SDHAF3: variants seen among roughly 807,000 people sequenced by gnomAD.
SDHAF3 encodes succinate dehydrogenase complex assembly factor 3.
SDHAF3 carries 18 observed loss-of-function variants against 11.5 expected under a neutral mutation model. The ratio of observed to expected loss-of-function variants is 1.56; its 90% confidence interval spans 1.08 to 2.32. The LOEUF (loss-of-function observed/expected upper bound fraction) is 2.32. SDHAF3 is among the 30% of genes most tolerant of loss of function. The probability of loss-of-function intolerance (pLI) is 0.00; values close to 1 mark genes in which losing one functional copy is unlikely to be tolerated. For synonymous variants in SDHAF3, 72 were observed against 59.3 expected, an observed-to-expected ratio of 1.21 and a Z score of -0.99; for missense variants, 200 against 154.4, an observed-to-expected ratio of 1.30 and a Z score of -1.57.
At chr7:97,125,902 G>A (rs192595704) in intron 1 of SDHAF3, among the ~76,000 whole-genome samples, 27 of 152,314 alleles carry the variant, frequency 1.8e-4, no homozygotes, top group Middle Eastern at 3.4e-3. Context: ...ATCATTTGGA[G>A]GAGAAGAAGC....
At chr7:97,147,908 A>G (rs982833900) in intron 1 of SDHAF3, among the ~76,000 whole-genome samples, 1 of 151,912 alleles carries the variant, frequency 6.6e-6, no homozygotes, top group Non-Finnish European at 1.5e-5. Flanking sequence ...TTATTTATTT[A>G]TTTATTTTTA....
chr7:97,181,332 T>A lies in SDHAF3; in HGVS notation c.*117T>A. ...CACCTGTTATTAATGAAATACTCTT[T>A]TATTTTGGATATTATGATTGCAGTA... On this transcript the variant is annotated 3_prime_UTR_variant, in exon 2 of 2. Transcript: ENST00000432641. 4.1e-6 allele frequency: 3 copies of A among 729,776 alleles called. No homozygotes were observed. The highest frequency in any genetic ancestry group is 6.6e-6 in the Non-Finnish European group (3 of 454,058). The allele number at this position is 729,776 out of a possible 1,614,324, so 45.2% of individuals were successfully genotyped here. A position where few individuals can be genotyped will look rare whatever the true frequency, so the allele number is the denominator to read the frequency against.
chr7:97,142,018 G>A (rs1789053844), intron 1 of SDHAF3, among the ~76,000 whole-genome samples: 1 of 144,472 alleles, frequency 6.9e-6, no homozygotes, highest in Admixed American at 7.1e-5. Context: ...AAAAAGTTGA[G>A]CAATGAAATG....
intron 1 of SDHAF3, among the ~76,000 whole-genome samples, chr7:97,159,676 G>C (rs1451736515): frequency 6.6e-6 from 1 of 152,082 alleles, no homozygotes; most frequent in Non-Finnish European, 1.5e-5. Flanking sequence ...TCTACCAGGA[G>C]TGTGGGCTGA....
chr7:97,125,597 G>C (rs1791562408), intron 1 of SDHAF3, among the ~76,000 whole-genome samples: 1 of 152,062 alleles, frequency 6.6e-6, no homozygotes, highest in Admixed American at 6.6e-5. Flanking sequence ...TTCAATCTCT[G>C]ATATCCTTTC....
chr7:97,129,596 T>C (rs919213137), intron 1 of SDHAF3, among the ~76,000 whole-genome samples: 1 of 152,152 alleles, frequency 6.6e-6, no homozygotes, highest in Admixed American at 6.5e-5. Flanking sequence ...AATCCTTTCA[T>C]GTTAAAGATG....
chr7:97,165,609 T>C (rs1211934404), intron 1 of SDHAF3, among the ~76,000 whole-genome samples: 1 of 152,174 alleles, frequency 6.6e-6, no homozygotes. Context: ...TCACTGAGTA[T>C]CCTCATTTTC....
At chr7:97,142,746 GGCCTAGAAGA>G (rs1789071573) in intron 1 of SDHAF3, 1 of 152,048 alleles carries the variant, frequency 6.6e-6, no homozygotes. Context: ...AAGTGGAAAA[GGCCTAGAAGA>G]GCCATAACTG....
intron 1 of SDHAF3, among the ~76,000 whole-genome samples, chr7:97,173,544 GA>G (rs1314434534): frequency 9.2e-6 from 1 of 108,194 alleles, no homozygotes; most frequent in Non-Finnish European, 1.8e-5. Context: ...TCCAAAATTA[GA>G]ATTTTTTTTT....
intron 1 of SDHAF3, among the ~76,000 whole-genome samples, chr7:97,127,003 G>A (rs767258252): frequency 4.6e-5 from 7 of 152,132 alleles, no homozygotes; most frequent in Admixed American, 1.3e-4. Context: ...TATCTGGGCC[G>A]GATAGCACAG....
chr7:97,161,143 C>T (rs369319390), intron 1 of SDHAF3, among the ~76,000 whole-genome samples: 17 of 152,190 alleles, frequency 1.1e-4, no homozygotes, highest in African/African-American at 3.9e-4. Flanking sequence ...TCACAGTACT[C>T]TACAGTGTAC....
At chr7:97,160,369 G>A (rs1038161206) in intron 1 of SDHAF3, among the ~76,000 whole-genome samples, 11 of 151,688 alleles carry the variant, frequency 7.3e-5, no homozygotes, top group Non-Finnish European at 1.2e-4. Flanking sequence ...CTGCCCGGCC[G>A]CCCCATCTGG....
intron 1 of SDHAF3, among the ~76,000 whole-genome samples, chr7:97,120,036 T>G (rs1031440562): frequency 2.0e-5 from 3 of 152,160 alleles, no homozygotes; most frequent in Non-Finnish European, 2.9e-5. Flanking sequence ...TCTTTTGAAA[T>G]TAATACATAT....
intron 1 of SDHAF3, among the ~76,000 whole-genome samples, chr7:97,133,574 G>A (rs982101826): frequency 1.3e-5 from 2 of 151,958 alleles, no homozygotes; most frequent in Admixed American, 1.3e-4. Context: ...TTATTTTTAG[G>A]TTTACCACCT....
At chr7:97,130,413 A>G (rs1791650360) in intron 1 of SDHAF3, among the ~76,000 whole-genome samples, 1 of 152,218 alleles carries the variant, frequency 6.6e-6, no homozygotes, top group East Asian at 1.9e-4. Flanking sequence ...GGGGCATGTT[A>G]CAGCTCTGGC....
chr7:97,146,115 C>T (rs904228946), intron 1 of SDHAF3, among the ~76,000 whole-genome samples: 3 of 51,650 alleles, frequency 5.8e-5, no homozygotes, highest in Admixed American at 1.8e-4. Context: ...ATAGGCTTTC[C>T]CCCCCCCACT....
At chr7:97,130,254 G>A (rs1335559422) in intron 1 of SDHAF3, among the ~76,000 whole-genome samples, 7 of 148,584 alleles carry the variant, frequency 4.7e-5, no homozygotes, top group African/African-American at 7.5e-5. Flanking sequence ...CCTCGGTGAC[G>A]GAGTGATACC....
intron 1 of SDHAF3, among the ~76,000 whole-genome samples, chr7:97,168,116 C>T (rs961551042): frequency 1.1e-4 from 16 of 152,092 alleles, no homozygotes; most frequent in African/African-American, 2.2e-4. Context: ...AGCTTGCTGG[C>T]GGGACCCCCT....
At chr7:97,164,252 G>A (rs1254962942) in intron 1 of SDHAF3, among the ~76,000 whole-genome samples, 2 of 151,228 alleles carry the variant, frequency 1.3e-5, no homozygotes, top group Non-Finnish European at 3.0e-5. Flanking sequence ...TTTGGAGACG[G>A]AGTCTCACTC....
Sources: allele counts gnomAD v4.1 joint callset (sites outside exome capture counted in the v4.1 genomes callset), GRCh38; gene constraint gnomAD v4.1.1; transcripts MANE v1.5; gene names NCBI Gene and HGNC (gene_info 2026-07-23, HGNC 2026-07-21).